DTNA: variants seen among roughly 807,000 people sequenced by gnomAD.
DTNA encodes dystrobrevin alpha.
A neutral mutation model predicts 100.7 loss-of-function variants in DTNA; 43 were observed. The ratio of observed to expected loss-of-function variants is 0.43; its 90% confidence interval spans 0.33 to 0.55. The LOEUF is 0.55. Among genes scored for constraint, DTNA ranks in the 20% least tolerant of loss-of-function variants. The probability of loss-of-function intolerance (pLI) is 0.04; values close to 1 mark genes in which losing one functional copy is unlikely to be tolerated. For synonymous variants in DTNA, 349 were observed against 347.9 expected (o/e 1.00, Z -0.04); for missense variants, 798 against 953.9 (o/e 0.84, Z 2.15).
At chr18:34,708,606 T>C (rs1471860223), upstream of DTNA, among the ~76,000 whole-genome samples, 1 of 152,210 alleles carries the variant, frequency 6.6e-6, no homozygotes, top group African/African-American at 2.4e-5. Context: ...AAGCAGCCCT[T>C]GCTCTTTGCC....
chr18:34,817,581 G>GAA (rs3837894), intron 7 of DTNA, among the ~76,000 whole-genome samples: 14 of 151,312 alleles, frequency 9.3e-5, no homozygotes, highest in East Asian at 1.9e-4. Context: ...CCTCAGGAAA[G>GAA]AAAAAAAAAT....
intron 16 of DTNA, among the ~76,000 whole-genome samples, chr18:34,860,358 C>T (rs555839080): frequency 5.3e-5 from 8 of 151,602 alleles, no homozygotes; most frequent in African/African-American, 1.5e-4. Flanking sequence ...TGAGCCACCG[C>T]GCCCAGCCCA....
intron 1 of DTNA, among the ~76,000 whole-genome samples, chr18:34,713,079 C>A (rs558282037): frequency 6.6e-6 from 1 of 151,736 alleles, no homozygotes; most frequent in Admixed American, 6.6e-5. Flanking sequence ...TAATTTTTGA[C>A]ATGAAAAGAA....
At chr18:34,677,340 T>C (rs1181538850) in intron 1 of DTNA, among the ~76,000 whole-genome samples, 4 of 151,926 alleles carry the variant, frequency 2.6e-5, no homozygotes, top group Non-Finnish European at 5.9e-5. Flanking sequence ...CAGTCTGGAG[T>C]AACCCATTGG....
At position 34,879,603 on chromosome 18, in the gene DTNA, G is replaced by A. The variant is rs1327906551; in HGVS notation, c.2046G>A (p.Gln682=). The A allele has an allele frequency of 6.2e-7, 1 of 1,614,082 alleles. No individual in the cohort carries two copies. Residue 682 remains glutamine, a synonymous_variant, in exon 20 of 23, where the codon CAG becomes CAA. Coordinates refer to ENST00000444659, the MANE Select transcript of DTNA (RefSeq NM_001386795.1). ...SNVDSEFART[Q]FEDLVPSPTS... ...TGGATTCTGAATTTGCACGGACTCA[G>A]TTTGAGGATCTTGTTCCCTCACCAA...
intron 10 of DTNA, 129 bp downstream of exon 10, chr18:34,827,805 A>G: frequency 1.1e-6 from 1 of 952,334 alleles, no homozygotes; most frequent in South Asian, 1.4e-5. Flanking sequence ...GCAAATATCC[A>G]TTATAAGTTT....
At chr18:34,732,865 T>C (rs2147381321) in intron 1 of DTNA, among the ~76,000 whole-genome samples, 1 of 152,308 alleles carries the variant, frequency 6.6e-6, no homozygotes, top group South Asian at 2.1e-4. Context: ...CTGCTAAGTA[T>C]GTCTATGCCA....
intron 17 of DTNA, chr18:34,868,044 C>G (rs1280369268): frequency 1.0e-6 from 1 of 969,976 alleles, no homozygotes; most frequent in Non-Finnish European, 1.2e-6. Context: ...AAGATATAAA[C>G]AGTGACTTCA....
At chr18:34,794,321 TC>T in intron 4 of DTNA, 71 bp downstream of exon 4, 1 of 1,561,314 alleles carries the variant, frequency 6.4e-7, no homozygotes, top group Non-Finnish European at 8.8e-7. Flanking sequence ...TTGGTCTTTT[TC>T]CCAAACAATT....
At chr18:34,867,290 T>A in intron 17 of DTNA, 1 of 1,231,292 alleles carries the variant, frequency 8.1e-7, no homozygotes, top group Non-Finnish European at 1.0e-6. Flanking sequence ...AAAAGGAAAG[T>A]GTAAAATCAA....
rs140511784 is a variant in DTNA at position 34,775,891 on chromosome 18, G to A, written c.148+9850G>A. Among the ~76,000 whole-genome samples the A allele has an allele frequency of 1.2e-3, 177 of 152,294 alleles. 1 individual carries two copies. The highest frequency in any genetic ancestry group is 4.2e-3 in the African/African-American group (175 of 41,564). On this transcript the variant is annotated intron_variant, in intron 3 of 22. Transcript: ENST00000444659. Reference sequence around the variant, plus strand: ...TCTTGTTTTAAGATTATGAGTTTGTGGTTATTTGCCACACAGTCATAAAGA... The same window carrying A: ...TCTTGTTTTAAGATTATGAGTTTGTAGTTATTTGCCACACAGTCATAAAGA...
intron 1 of DTNA, among the ~76,000 whole-genome samples, chr18:34,674,665 C>T (rs1416827332): frequency 6.6e-6 from 1 of 152,148 alleles, no homozygotes; most frequent in African/African-American, 2.4e-5. Context: ...TGTACAGGAA[C>T]CAGATGTGAA....
intron 1 of DTNA, among the ~76,000 whole-genome samples, chr18:34,727,213 C>G (rs941314770): frequency 6.6e-6 from 1 of 152,240 alleles, no homozygotes; most frequent in Non-Finnish European, 1.5e-5. Flanking sequence ...CCATTCTTTC[C>G]TACTGTGATC....
intron 1 of DTNA, among the ~76,000 whole-genome samples, chr18:34,551,486 T>C (rs1443354406): frequency 6.6e-6 from 1 of 152,164 alleles, no homozygotes; most frequent in East Asian, 1.9e-4. Context: ...TTGGATATTT[T>C]TTTTTGTCAA....
intron 1 of DTNA, among the ~76,000 whole-genome samples, chr18:34,635,404 A>G (rs2058555602): frequency 6.6e-6 from 1 of 152,232 alleles, no homozygotes; most frequent in African/African-American, 2.4e-5. Context: ...GCTGGATCAT[A>G]TGGCAGTTCT....
Position 34,888,556 on chromosome 18 carries a change from C to CA in DTNA, c.*828dup. 6 of 985,364 alleles carry CA rather than the reference C, an allele frequency of 6.1e-6. No homozygotes were observed. Among genetic ancestry groups the CA allele is most frequent in the Non-Finnish European group, 7.2e-6 (6 of 829,684 alleles). 61.0% of individuals were successfully genotyped at this position (985,364 alleles called of 1,614,324 possible). A position where few individuals can be genotyped will look rare whatever the true frequency, so the allele number is the denominator to read the frequency against. On this transcript the variant is annotated 3_prime_UTR_variant, in exon 23 of 23. Coordinates refer to ENST00000444659, the MANE Select transcript of DTNA (RefSeq NM_001386795.1). The stretch of plus-strand genomic sequence containing the variant: ...TTTTTTTCCAAATAGATATCATATT[C>CA]AAAAAAGGCAGCATTCAAATTATAT...
intron 1 of DTNA, among the ~76,000 whole-genome samples, chr18:34,626,616 A>G (rs1295570974): frequency 6.6e-6 from 1 of 152,210 alleles, no homozygotes; most frequent in Admixed American, 6.5e-5. Context: ...TAATGTAGGT[A>G]GCAATCTGCA....
At chr18:34,614,377 C>A (rs2054825963) in intron 1 of DTNA, among the ~76,000 whole-genome samples, 1 of 152,182 alleles carries the variant, frequency 6.6e-6, no homozygotes, top group Non-Finnish European at 1.5e-5. Flanking sequence ...GTAATTTCAA[C>A]TTCCAAGTCT....
intron 1 of DTNA, among the ~76,000 whole-genome samples, chr18:34,538,450 A>T (rs534109800): frequency 1.3e-5 from 2 of 152,080 alleles, no homozygotes; most frequent in South Asian, 4.1e-4. Context: ...ACTTTTACCT[A>T]GTGAGTCCTT....
Sources: allele counts gnomAD v4.1 joint callset (sites outside exome capture counted in the v4.1 genomes callset), GRCh38; gene constraint gnomAD v4.1.1; transcripts MANE v1.5; gene names NCBI Gene and HGNC (gene_info 2026-07-23, HGNC 2026-07-21).